The following FAM13A variants were observed in gnomAD, a reference collection of about 807,000 sequenced individuals.
The protein encoded by FAM13A is protein FAM13A.
A neutral mutation model predicts 129.6 loss-of-function variants in FAM13A; 76 were observed. That is an observed-to-expected ratio of 0.59 (90% confidence interval 0.49 to 0.71). The LOEUF (loss-of-function observed/expected upper bound fraction) is 0.71, where lower values mean the gene tolerates loss of function less well. Among genes scored for constraint, FAM13A ranks in the 30% least tolerant of loss-of-function variants. The pLI is 0.00. For synonymous variants in FAM13A, 443 were observed against 449.9 expected (o/e 0.98, Z 0.20); for missense variants, 1,108 against 1,249.3 (o/e 0.89, Z 1.70).
intron 3 of FAM13A, among the ~76,000 whole-genome samples, chr4:89,015,993 C>T (rs1766433162): frequency 6.6e-6 from 1 of 151,782 alleles, no homozygotes; most frequent in African/African-American, 2.4e-5. Context: ...TGTATGTTAA[C>T]TGTAACACAG....
chr4:88,773,705 C>T (rs1721141166), intron 11 of FAM13A, among the ~76,000 whole-genome samples: 1 of 152,196 alleles, frequency 6.6e-6, no homozygotes, highest in Non-Finnish European at 1.5e-5. Flanking sequence ...TAAAAACCAA[C>T]TGTGCACCAA....
intron 7 of FAM13A, among the ~76,000 whole-genome samples, chr4:88,807,947 A>C (rs993008261): frequency 2.0e-5 from 3 of 152,212 alleles, no homozygotes; most frequent in Admixed American, 2.0e-4. Flanking sequence ...GTTCTAAAAA[A>C]GAAAATGTAA....
At chr4:88,951,205 C>A (rs1756900117) in intron 4 of FAM13A, among the ~76,000 whole-genome samples, 3 of 152,108 alleles carry the variant, frequency 2.0e-5, no homozygotes, top group Non-Finnish European at 4.4e-5. Flanking sequence ...CAGATCCCCT[C>A]CATTTCTTTA....
intron 11 of FAM13A, 104 bp downstream of exon 11, chr4:88,781,061 A>G (rs139139503): frequency 2.9e-6 from 2 of 698,082 alleles, no homozygotes; most frequent in Non-Finnish European, 2.3e-6. Flanking sequence ...CTCTTCCAGC[A>G]CTCAAAACTG....
chr4:88,944,001 C>T (rs1015743167), intron 4 of FAM13A, among the ~76,000 whole-genome samples: 3 of 152,160 alleles, frequency 2.0e-5, no homozygotes, highest in African/African-American at 4.8e-5. Context: ...CTACCTGACA[C>T]CTCTGAAATT....
At chr4:89,052,085 C>A (rs916867349) in intron 1 of FAM13A, among the ~76,000 whole-genome samples, 1 of 151,786 alleles carries the variant, frequency 6.6e-6, no homozygotes. Flanking sequence ...CTCTGGGCAC[C>A]GGCAGAGACA....
At chr4:88,835,614 C>A (rs1346195831) in intron 7 of FAM13A, among the ~76,000 whole-genome samples, 3 of 152,000 alleles carry the variant, frequency 2.0e-5, no homozygotes, top group Non-Finnish European at 4.4e-5. Context: ...TGTTATCCTG[C>A]AACTAGATTG....
intron 19 of FAM13A, among the ~76,000 whole-genome samples, chr4:88,746,270 T>C (rs1741315525): frequency 2.0e-5 from 3 of 152,184 alleles, no homozygotes; most frequent in Admixed American, 6.5e-5. Flanking sequence ...GGGTGTCTGA[T>C]GAAAAGTTCT....
intron 6 of FAM13A, among the ~76,000 whole-genome samples, chr4:88,894,882 A>G (rs1378101986): frequency 6.6e-6 from 1 of 152,222 alleles, no homozygotes; most frequent in Non-Finnish European, 1.5e-5. Flanking sequence ...AGGATACATC[A>G]GTCATATCCT....
chr4:88,973,543 T>G (rs1760445267), intron 4 of FAM13A, among the ~76,000 whole-genome samples: 1 of 151,844 alleles, frequency 6.6e-6, no homozygotes, highest in Non-Finnish European at 1.5e-5. Flanking sequence ...CAATCCCTTC[T>G]GTTCTTGCAT....
intron 5 of FAM13A, among the ~76,000 whole-genome samples, chr4:88,923,059 T>C (rs975540016): frequency 2.2e-4 from 33 of 152,212 alleles, no homozygotes; most frequent in African/African-American, 7.5e-4. Flanking sequence ...CAATAATCAA[T>C]AGCTTACCAA....
At chr4:88,732,275 A>G in intron 21 of FAM13A, 77 bp from the exon 22 acceptor site, 1 of 1,046,786 alleles carries the variant, frequency 9.6e-7, no homozygotes, top group Non-Finnish European at 1.4e-6. Flanking sequence ...TCATTTAATA[A>G]TCATTTAATT....
intron 17 of FAM13A, 118 bp from the exon 18 acceptor site, chr4:88,747,969 A>C: frequency 1.5e-6 from 1 of 663,572 alleles, no homozygotes; most frequent in Non-Finnish European, 2.5e-6. Flanking sequence ...GGCTCACTGC[A>C]AGCTCCGCCT....
At chr4:88,926,283 C>G (rs1752148489) in intron 5 of FAM13A, among the ~76,000 whole-genome samples, 1 of 152,154 alleles carries the variant, frequency 6.6e-6, no homozygotes, top group South Asian at 2.1e-4. Flanking sequence ...AGAAGTATAA[C>G]TTTCATCCTG....
intron 7 of FAM13A, among the ~76,000 whole-genome samples, chr4:88,837,848 C>A (rs545826424): frequency 5.3e-5 from 8 of 151,078 alleles, no homozygotes; most frequent in South Asian, 2.1e-4. Flanking sequence ...ATATAGCCCA[C>A]ATAAATGAAA....
At chr4:88,757,915 T>C (rs1446368120) in intron 14 of FAM13A, among the ~76,000 whole-genome samples, 1 of 152,192 alleles carries the variant, frequency 6.6e-6, no homozygotes, top group East Asian at 1.9e-4. Context: ...TGGTAAGTCA[T>C]TGTGTTAAGT....
chr4:88,781,994 A>G (rs1174704625), intron 10 of FAM13A, among the ~76,000 whole-genome samples: 7 of 79,582 alleles, frequency 8.8e-5, no homozygotes, highest in Admixed American at 6.1e-4. Flanking sequence ...GTATAATGAT[A>G]ATAAAATAAA....
chr4:88,980,236 T>A (rs1761479649), intron 4 of FAM13A, among the ~76,000 whole-genome samples: 2 of 152,300 alleles, frequency 1.3e-5, no homozygotes, highest in Admixed American at 1.3e-4. Context: ...ATGTGGGGAT[T>A]AAGTCTGGTT....
intron 7 of FAM13A, among the ~76,000 whole-genome samples, chr4:88,809,136 T>G (rs974115829): frequency 6.6e-6 from 1 of 152,148 alleles, no homozygotes; most frequent in Non-Finnish European, 1.5e-5. Flanking sequence ...TCAGTTTAAT[T>G]ATACAGCAAG....
Sources: gnomAD v4.1 joint callset for allele counts (sites outside exome capture counted in the v4.1 genomes callset) on GRCh38, gnomAD v4.1.1 for gene constraint, MANE v1.5 for transcripts, NCBI Gene and HGNC (gene_info 2026-07-23, HGNC 2026-07-21) for gene names.